CAST: variants seen among roughly 807,000 people sequenced by gnomAD.
CAST encodes the protein MIR583 host.
A neutral mutation model predicts 119.6 loss-of-function variants in CAST; 76 were observed. That is an observed-to-expected ratio of 0.64 (90% CI 0.53 to 0.77). CAST has a LOEUF of 0.77. CAST is among the 30% of genes least tolerant of loss of function. The pLI, the probability that CAST is intolerant of heterozygous loss-of-function variation, is 0.00. For missense variants in CAST, 953 were observed against 946.5 expected (o/e 1.01, Z -0.09); for synonymous variants, 319 against 331.6 (o/e 0.96, Z 0.41).
the CAST span, among the ~76,000 whole-genome samples, chr5:96,003,273 C>T: frequency 6.6e-6 from 1 of 151,292 alleles, no homozygotes; most frequent in African/African-American, 2.4e-5. Flanking sequence ...GGTGCGGTGG[C>T]TCATGCCTGT....
At chr5:96,680,004 C>G (rs1751162036) in intron 2 of CAST, among the ~76,000 whole-genome samples, 1 of 151,704 alleles carries the variant, frequency 6.6e-6, no homozygotes, top group Non-Finnish European at 1.5e-5. Context: ...GATTGTGTAG[C>G]TAAAATATAA....
chr5:96,723,066 T>C (rs1299501004), intron 4 of CAST, among the ~76,000 whole-genome samples: 2 of 152,126 alleles, frequency 1.3e-5, no homozygotes, highest in Admixed American at 6.6e-5. Context: ...TCTCGGCCTC[T>C]TGAGTAGCTG....
chr5:96,309,650 C>T, the CAST span, among the ~76,000 whole-genome samples: 2 of 152,284 alleles, frequency 1.3e-5, no homozygotes, highest in East Asian at 1.9e-4. Flanking sequence ...GTATCTGAGC[C>T]GGAGTGTACT....
At chr5:96,644,433 T>A (rs935198222) in intron 1 of CAST, among the ~76,000 whole-genome samples, 1 of 152,244 alleles carries the variant, frequency 6.6e-6, no homozygotes, top group African/African-American at 2.4e-5. Context: ...AAATTATTAT[T>A]ACAAATAAAA....
At chr5:96,355,921 C>T in the CAST span, among the ~76,000 whole-genome samples, 7 of 152,080 alleles carry the variant, frequency 4.6e-5, no homozygotes, top group East Asian at 1.9e-4. Flanking sequence ...AGGATGTTCT[C>T]GATCCCTTGA....
chr5:96,532,235 G>A (rs1027811748), intron 1 of CAST, among the ~76,000 whole-genome samples: 2 of 152,136 alleles, frequency 1.3e-5, no homozygotes, highest in Admixed American at 6.5e-5. Flanking sequence ...ACAACTGGGA[G>A]GCCTGACTGC....
chr5:96,377,347 A>G, the CAST span, among the ~76,000 whole-genome samples: 3 of 152,178 alleles, frequency 2.0e-5, no homozygotes, highest in Admixed American at 1.3e-4. Flanking sequence ...CTCACATTCA[A>G]TCACCACTTG....
chr5:96,100,047 T>A, the CAST span, among the ~76,000 whole-genome samples: 6 of 152,176 alleles, frequency 3.9e-5, no homozygotes, highest in Admixed American at 1.3e-4. Context: ...TCTTCCTTGT[T>A]CAGTGTTGGG....
chr5:96,047,004 T>G, the CAST span, among the ~76,000 whole-genome samples: 859 of 152,256 alleles, frequency 5.6e-3, 1 homozygote, highest in Non-Finnish European at 9.3e-3. Flanking sequence ...GAGATATAAT[T>G]CAAGTTGAGA....
chr5:96,027,551 AAGAG>A, the CAST span, among the ~76,000 whole-genome samples: 1 of 152,136 alleles, frequency 6.6e-6, no homozygotes, highest in Non-Finnish European at 1.5e-5. Flanking sequence ...TAAAATTTTT[AAGAG>A]AGAGAGTTCA....
intron 1 of CAST, among the ~76,000 whole-genome samples, chr5:96,608,118 C>T (rs1190447046): frequency 6.6e-6 from 1 of 152,194 alleles, no homozygotes; most frequent in African/African-American, 2.4e-5. Flanking sequence ...CCTGTCCACA[C>T]CCTTCCCCCA....
the CAST span, chr5:96,393,201 A>G: frequency 6.2e-7 from 1 of 1,613,874 alleles, no homozygotes; most frequent in South Asian, 1.1e-5. Context: ...GCACTTGGGG[A>G]CTTCTTTGGT....
At chr5:96,486,944 G>A in the CAST span, among the ~76,000 whole-genome samples, 1 of 151,450 alleles carries the variant, frequency 6.6e-6, no homozygotes, top group East Asian at 1.9e-4. Flanking sequence ...CAAAAATTGT[G>A]CATGCTATGT....
the CAST span, among the ~76,000 whole-genome samples, chr5:96,409,945 C>T: frequency 3.9e-5 from 6 of 152,138 alleles, no homozygotes; most frequent in Non-Finnish European, 8.8e-5. Flanking sequence ...GAATCTTGCA[C>T]GCATTCCAAG....
chr5:96,182,128 CT>C, the CAST span, among the ~76,000 whole-genome samples: 1 of 152,152 alleles, frequency 6.6e-6, no homozygotes, highest in Admixed American at 6.5e-5. Context: ...TCTTGAAATA[CT>C]TTATAAGTTT....
intron 20 of CAST, among the ~76,000 whole-genome samples, chr5:96,751,444 G>A (rs1253909788): frequency 2.0e-5 from 3 of 152,186 alleles, no homozygotes; most frequent in African/African-American, 4.8e-5. Context: ...TAAGGGAAAT[G>A]AGGCTTTGAG....
the CAST span, among the ~76,000 whole-genome samples, chr5:96,360,918 G>A: frequency 3.6e-3 from 542 of 152,336 alleles, 2 homozygotes; most frequent in Non-Finnish European, 6.2e-3. Flanking sequence ...TAAGTCTGCT[G>A]AAACTGCACC....
the CAST span, among the ~76,000 whole-genome samples, chr5:96,109,759 T>C: frequency 1.3e-5 from 2 of 152,278 alleles, no homozygotes; most frequent in African/African-American, 4.8e-5. Flanking sequence ...TGAAAGAGGA[T>C]GCAGAAGCGG....
the CAST span, among the ~76,000 whole-genome samples, chr5:96,100,512 C>A: frequency 9.2e-5 from 14 of 152,184 alleles, no homozygotes; most frequent in African/African-American, 3.1e-4. Flanking sequence ...TCCTATAGCA[C>A]ATGGAGTGGA....
Sources: gnomAD v4.1 joint callset for allele counts (sites outside exome capture counted in the v4.1 genomes callset) on GRCh38, gnomAD v4.1.1 for gene constraint, MANE v1.5 for transcripts, NCBI Gene and HGNC (gene_info 2026-07-23, HGNC 2026-07-21) for gene names.